The following SAXO1 variants were observed in gnomAD, a reference collection of about 807,000 sequenced individuals.
The protein encoded by SAXO1 is 4930500O09Rik.
SAXO1 carries 21 observed loss-of-function variants against 17.5 expected under a neutral mutation model. That is an observed-to-expected ratio of 1.20 (90% confidence interval 0.85 to 1.72). The LOEUF (loss-of-function observed/expected upper bound fraction) is 1.72, where lower values mean the gene tolerates loss of function less well. Ranked by LOEUF, SAXO1 falls within the 40% of genes most tolerant of loss-of-function variation. SAXO1 has a pLI of 0.00. For synonymous variants in SAXO1, 274 were observed against 216.5 expected (o/e 1.27, Z -2.33); for missense variants, 843 against 596.0 (o/e 1.41, Z -4.32).
rs753397357 is a variant in SAXO1, at chr9:18,929,100, C to T, written c.422-45G>A. 17 of 1,592,152 alleles carry T rather than the reference C, an allele frequency of 1.1e-5. No homozygotes were observed. In the East Asian group the frequency reaches 2.9e-4, roughly 27 times the overall value. ...GGTAATTAATAATAAATCAAGTCAA[C>T]CAACTTGCATATATTCTACAGAGCC... On this transcript the variant is annotated intron_variant, in intron 3 of 3. Transcript: ENST00000380534.
chr9:18,995,767 T>A (rs2184656), intron 1 of SAXO1, among the ~76,000 whole-genome samples: 123,395 of 152,164 alleles, frequency 0.81, 50,329 homozygotes, highest in African/African-American at 0.89. Flanking sequence ...ACTTTAATAA[T>A]TTTTTTCCTT....
intron 1 of SAXO1, among the ~76,000 whole-genome samples, chr9:19,001,400 G>A (rs1037784299): frequency 9.9e-5 from 15 of 152,064 alleles, no homozygotes; most frequent in African/African-American, 3.6e-4. Context: ...AGGTGCGGTG[G>A]CTCACACCTG....
chr9:18,985,130 G>A (rs1009500817), intron 1 of SAXO1, among the ~76,000 whole-genome samples: 2 of 152,072 alleles, frequency 1.3e-5, no homozygotes, highest in African/African-American at 4.8e-5. Context: ...AGGAGAAGGA[G>A]AGAGATGCGA....
chr9:18,978,506 C>A (rs1044797557), intron 1 of SAXO1, among the ~76,000 whole-genome samples: 5 of 152,222 alleles, frequency 3.3e-5, no homozygotes, highest in African/African-American at 1.2e-4. Flanking sequence ...AAGTAATCTT[C>A]TGCTTTATAA....
intron 3 of SAXO1, among the ~76,000 whole-genome samples, chr9:18,938,202 T>C (rs1831377739): frequency 1.3e-5 from 2 of 152,168 alleles, no homozygotes. Flanking sequence ...GAAAATAGGA[T>C]TTTCTCAATT....
At chr9:19,030,711 A>T (rs544869982) in intron 1 of SAXO1, among the ~76,000 whole-genome samples, 42 of 152,242 alleles carry the variant, frequency 2.8e-4, no homozygotes, top group African/African-American at 9.6e-4. Context: ...TAAAAAAAAT[A>T]AAAAAATAAG....
chr9:18,962,373 TG>T (rs752595211), intron 1 of SAXO1, among the ~76,000 whole-genome samples: 4 of 152,202 alleles, frequency 2.6e-5, no homozygotes, highest in Non-Finnish European at 4.4e-5. Flanking sequence ...CGGCTCTCAT[TG>T]GGGATTTGCA....
chr9:18,989,552 T>C (rs1310328672), intron 1 of SAXO1, among the ~76,000 whole-genome samples: 2 of 113,702 alleles, frequency 1.8e-5, no homozygotes, highest in Non-Finnish European at 4.2e-5. Flanking sequence ...TTTTTAGCCA[T>C]TATGCACACA....
At chr9:19,024,239 C>G (rs545896213) in intron 1 of SAXO1, among the ~76,000 whole-genome samples, 56 of 151,914 alleles carry the variant, frequency 3.7e-4, no homozygotes, top group Non-Finnish European at 2.6e-4. Flanking sequence ...CTGCCCTGCC[C>G]TGCAGCAAGG....
rs1266217063 is a variant in SAXO1 at position 18,928,308 on chromosome 9, T to A, written c.1169A>T (p.Lys390Met). 1 of 1,613,480 alleles carries A rather than the reference T, an allele frequency of 6.2e-7. No homozygotes were observed. The highest frequency in any genetic ancestry group is 8.5e-7 in the Non-Finnish European group (1 of 1,179,596). ...TCCTCGAGGGCCAGACCAATGAGGC[T>A]TACAGCTTTTGGTATTGATAGGCAG... ...PHLPINTKSC[K>M]PHWSGPRGNV... The change falls in exon 4 of 4, where the codon AAG becomes ATG. Residue 390 changes from lysine to methionine, a missense_variant. Transcript: ENST00000380534.
At chr9:18,968,747 C>A (rs1832832444) in intron 1 of SAXO1, among the ~76,000 whole-genome samples, 1 of 152,112 alleles carries the variant, frequency 6.6e-6, no homozygotes, top group Non-Finnish European at 1.5e-5. Context: ...GCACACGCCA[C>A]TACACCTGGC....
At chr9:18,934,000 T>C (rs1487030255) in intron 3 of SAXO1, among the ~76,000 whole-genome samples, 19 of 152,266 alleles carry the variant, frequency 1.2e-4, no homozygotes, top group East Asian at 3.9e-4. Context: ...GAGCCGAGAT[T>C]GCAGCCACTG....
chr9:19,023,485 A>C (rs938361143), intron 1 of SAXO1, among the ~76,000 whole-genome samples: 7 of 152,116 alleles, frequency 4.6e-5, no homozygotes, highest in Non-Finnish European at 7.3e-5. Context: ...AGAAATAGAA[A>C]CTTCACTGTG....
intron 1 of SAXO1, among the ~76,000 whole-genome samples, chr9:19,003,558 G>A (rs566425612): frequency 6.6e-6 from 1 of 152,236 alleles, no homozygotes; most frequent in South Asian, 2.1e-4. Flanking sequence ...ATAGACAAAT[G>A]GAATAGAACA....
chr9:18,943,089 G>A (rs1435050534), intron 2 of SAXO1, among the ~76,000 whole-genome samples: 1 of 152,216 alleles, frequency 6.6e-6, no homozygotes, highest in African/African-American at 2.4e-5. Flanking sequence ...ACTGTAACCT[G>A]TCTTGCGTGA....
intron 1 of SAXO1, among the ~76,000 whole-genome samples, chr9:18,963,461 T>A (rs1178272472): frequency 3.3e-5 from 5 of 152,196 alleles, no homozygotes; most frequent in African/African-American, 1.2e-4. Context: ...CCACTTGTTG[T>A]GTCCTCTATT....
At chr9:18,946,518 C>G (rs917817333) in intron 2 of SAXO1, among the ~76,000 whole-genome samples, 2 of 151,824 alleles carry the variant, frequency 1.3e-5, no homozygotes, top group Non-Finnish European at 2.9e-5. Flanking sequence ...TAAATCAAAT[C>G]AGGTTACCTG....
intron 1 of SAXO1, among the ~76,000 whole-genome samples, chr9:18,965,661 C>T (rs191827093): frequency 1.2e-3 from 182 of 152,038 alleles, no homozygotes; most frequent in African/African-American, 4.0e-3. Context: ...AGATGGGTCT[C>T]CTGAATACAG....
chr9:18,946,332 A>T (rs1161739184), intron 2 of SAXO1, among the ~76,000 whole-genome samples: 1 of 150,122 alleles, frequency 6.7e-6, no homozygotes, highest in African/African-American at 2.4e-5. Context: ...GCAACCACGG[A>T]TGCTGCAAAA....
Sources: allele counts gnomAD v4.1 joint callset (sites outside exome capture counted in the v4.1 genomes callset), GRCh38; gene constraint gnomAD v4.1.1; transcripts MANE v1.5; gene names NCBI Gene and HGNC (gene_info 2026-07-23, HGNC 2026-07-21).